LRRFIP2: variants seen among roughly 807,000 people sequenced by gnomAD.
The protein encoded by LRRFIP2 is LRR binding FLII interacting protein 2, also known as leucine-rich repeat flightless-interacting protein 2.
Under a neutral mutation model 125.9 loss-of-function variants are expected in LRRFIP2, and 109 were observed. The observed-to-expected ratio is 0.87, with a 90% CI of 0.74 to 1.01. The LOEUF is 1.01. Among genes scored for constraint, LRRFIP2 ranks in the 50% least tolerant of loss-of-function variants. The probability of loss-of-function intolerance (pLI) is 0.00; values close to 1 mark genes in which losing one functional copy is unlikely to be tolerated. For synonymous variants in LRRFIP2, 291 were observed against 293.1 expected, an observed-to-expected ratio of 0.99 and a Z score of 0.07; for missense variants, 850 against 862.3, an observed-to-expected ratio of 0.99 and a Z score of 0.18.
Position 37,075,091 on chromosome 3 carries a change from CA to C in LRRFIP2, c.1303del (p.Cys435ValfsTer32), listed in dbSNP as rs2091839280. The C allele has an allele frequency of 6.2e-7, 1 of 1,611,808 alleles. No individual in the cohort carries two copies. The highest frequency in any genetic ancestry group is 1.7e-5 in the Admixed American group (1 of 59,992). On this transcript the variant is annotated frameshift_variant, in exon 20 of 28. Transcript: ENST00000336686. LOFTEE classifies it high-confidence loss of function. ...SKELERQKHM[C>X]SVLQHKMEEL... ...TTCCATCTTATGCTGCAGCACACTA[CA>C]CATATGTTTCTGCCTTTCTAACTCC...
At position 37,054,518 on chromosome 3, in the gene LRRFIP2, G is replaced by C. The variant is rs370745653; in HGVS notation, c.1951-3C>G. 6.2e-7 allele frequency: 1 copy of C among 1,608,962 alleles called. No homozygotes were observed. Among genetic ancestry groups the C allele is most frequent in the Admixed American group, 1.7e-5 (1 of 59,864 alleles). On this transcript the variant is annotated splice_polypyrimidine_tract_variant and splice_region_variant and intron_variant, in intron 26 of 27. Coordinates refer to ENST00000336686, the MANE Select transcript of LRRFIP2 (RefSeq NM_006309.4). Reference sequence around the variant, plus strand: ...ACCTGTCCCTCAAGCCGGCTAATCTGTAAGTATGAGAACATAGGCCTCTAG... The same window carrying C: ...ACCTGTCCCTCAAGCCGGCTAATCTCTAAGTATGAGAACATAGGCCTCTAG...
intron 1 of LRRFIP2, among the ~76,000 whole-genome samples, chr3:37,156,041 A>G (rs2096179802): frequency 6.6e-6 from 1 of 152,012 alleles, no homozygotes; most frequent in South Asian, 2.1e-4. Flanking sequence ...CATTTGGCGA[A>G]TTTTTGTATT....
intron 2 of LRRFIP2, among the ~76,000 whole-genome samples, chr3:37,132,616 CT>C (rs1420206480): frequency 6.6e-6 from 1 of 152,198 alleles, no homozygotes; most frequent in Non-Finnish European, 1.5e-5. Flanking sequence ...TTTAAAACTA[CT>C]TTATCTGGTT....
intron 2 of LRRFIP2, among the ~76,000 whole-genome samples, chr3:37,134,380 G>A (rs1201177283): frequency 2.0e-5 from 3 of 152,146 alleles, no homozygotes; most frequent in Non-Finnish European, 2.9e-5. Context: ...AGTTCGAGCC[G>A]GTACCTCACT....
intron 7 of LRRFIP2, among the ~76,000 whole-genome samples, chr3:37,114,619 C>CA (rs577431355): frequency 2.6e-5 from 4 of 151,328 alleles, no homozygotes; most frequent in African/African-American, 4.9e-5. Context: ...CCCATCTCTA[C>CA]AAAAAAAATA....
chr3:37,174,243 G>A (rs908926274), intron 1 of LRRFIP2: 49 of 152,112 alleles, frequency 3.2e-4, no homozygotes, highest in Middle Eastern at 6.9e-3. Context: ...CTAACAGAAG[G>A]AAAAGAAAAA....
chr3:37,155,653 A>T (rs550199396), intron 1 of LRRFIP2, among the ~76,000 whole-genome samples: 58 of 152,340 alleles, frequency 3.8e-4, no homozygotes, highest in African/African-American at 1.3e-3. Flanking sequence ...TCTATTTAAA[A>T]TATTTGCATA....
intron 1 of LRRFIP2, among the ~76,000 whole-genome samples, chr3:37,151,973 C>T (rs2096043769): frequency 1.3e-5 from 2 of 152,000 alleles, no homozygotes; most frequent in African/African-American, 4.8e-5. Flanking sequence ...TAGGTCTCTA[C>T]CAAGGAAAAG....
intron 24 of LRRFIP2, 47 bp downstream of exon 24, chr3:37,063,695 T>C (rs747959520): frequency 4.4e-6 from 6 of 1,369,516 alleles, no homozygotes; most frequent in African/African-American, 4.3e-5. Context: ...TATTTTACCA[T>C]GTAACTTTGT....
intron 15 of LRRFIP2, among the ~76,000 whole-genome samples, chr3:37,100,448 C>G (rs1035600920): frequency 1.0e-4 from 15 of 145,490 alleles, no homozygotes; most frequent in South Asian, 8.4e-4. Flanking sequence ...ATGTGTGTGT[C>G]TGTGTGTGTA....
intron 2 of LRRFIP2, chr3:37,143,652 A>T (rs7640224): frequency 0.53 from 95,538 of 180,108 alleles, 26,587 homozygotes; most frequent in African/African-American, 0.63. Context: ...TCCTTTAATG[A>T]TCTCGTGGGA....
chr3:37,116,070 G>A (rs1045592995), intron 6 of LRRFIP2, among the ~76,000 whole-genome samples: 13 of 152,006 alleles, frequency 8.6e-5, no homozygotes, highest in African/African-American at 2.4e-4. Context: ...CTAAAGTAAC[G>A]TTTTCATAAG....
chr3:37,145,442 G>A lies in LRRFIP2; in HGVS notation c.90+3452C>T, dbSNP rs560403813. 5.3e-5 allele frequency among the ~76,000 whole-genome samples: 8 copies of A among 152,254 alleles called. No homozygotes were observed. In the East Asian group the frequency reaches 1.5e-3, roughly 29 times the overall value. On this transcript the variant is annotated intron_variant, in intron 2 of 27. Transcript: ENST00000336686. ...ACTTGTGAGAGGGGGAAAAAAAGGTGTTGCTAGTACTGTCTTCAAATTTAG... is the reference window on the plus strand; with the variant it reads ...ACTTGTGAGAGGGGGAAAAAAAGGTATTGCTAGTACTGTCTTCAAATTTAG...
chr3:37,082,743 T>A (rs1006101548), intron 19 of LRRFIP2, among the ~76,000 whole-genome samples: 1 of 152,192 alleles, frequency 6.6e-6, no homozygotes, highest in African/African-American at 2.4e-5. Flanking sequence ...ACTTTTTGAA[T>A]GTGACCAAAA....
chr3:37,053,924 A>G lies in LRRFIP2; in HGVS notation c.2093T>C (p.Met698Thr). Residue 698 changes from methionine (M) to threonine (T), a missense_variant, in exon 28 of 28, where the codon ATG becomes ACG. Met to Thr is a moderately conservative substitution (Grantham distance 81). Coordinates refer to ENST00000336686, the MANE Select transcript of LRRFIP2 (RefSeq NM_006309.4). ...CCGCTTGGCCAGGTGGCTGTTGGTC[A>G]TCTCCATCTCCTCAATCTTGTCCAG... ...TALDKIEEME[M>T]TNSHLAKRLE... 6.2e-7 allele frequency: 1 copy of G among 1,613,996 alleles called. No individual in the cohort carries two copies. Among genetic ancestry groups the G allele is most frequent in the Non-Finnish European group, 8.5e-7 (1 of 1,179,840 alleles).
intron 25 of LRRFIP2, among the ~76,000 whole-genome samples, chr3:37,057,061 T>TG (rs2087099056): frequency 1.3e-5 from 2 of 152,198 alleles, no homozygotes; most frequent in African/African-American, 4.8e-5. Context: ...CCTGGCCTTC[T>TG]GGTCCAGGGA....
At position 37,060,466 on chromosome 3, in the gene LRRFIP2, G is replaced by T. The variant is rs540995847; in HGVS notation, c.1750-1556C>A. On this transcript the variant is annotated intron_variant, in intron 24 of 27. Transcript: ENST00000336686. The surrounding 1 kb of genome is among the most constrained non-coding windows in gnomAD (Gnocchi z 4.1). ...TGGGATTCCAGGTGCATGCCACCAC[G>T]TCCAATTTTTGTATTTTTAGTAGAT... Among the ~76,000 whole-genome samples, 46 of 152,036 alleles carry T rather than the reference G, an allele frequency of 3.0e-4. No individual in the cohort carries two copies. Among genetic ancestry groups the T allele is most frequent in the Admixed American group, 2.2e-3 (34 of 15,246 alleles).
chr3:37,054,008 T>C, intron 27 of LRRFIP2, 47 bp from the exon 28 acceptor site: 1 of 1,092,620 alleles, frequency 9.2e-7, no homozygotes, highest in South Asian at 1.2e-5. Flanking sequence ...AGAAACAACA[T>C]CCAGTGCTAC....
intron 13 of LRRFIP2, 33 bp downstream of exon 13, chr3:37,108,038 ATT>A: frequency 1.9e-6 from 3 of 1,591,054 alleles, no homozygotes; most frequent in Non-Finnish European, 2.6e-6. Context: ...ACAATCAAAA[ATT>A]TCTACAAAGC....
Sources: gnomAD v4.1 joint callset for allele counts (sites outside exome capture counted in the v4.1 genomes callset) on GRCh38, gnomAD v4.1.1 for gene constraint, Gnocchi (gnomAD v3.1) non-coding constraint, MANE v1.5 for transcripts, NCBI Gene and HGNC (gene_info 2026-07-23, HGNC 2026-07-21) for gene names.